NEGR1: variants seen among roughly 807,000 people sequenced by gnomAD.
The protein encoded by NEGR1 is neuronal growth regulator 1.
NEGR1 carries 10 observed loss-of-function variants against 40.9 expected under a neutral mutation model. That is an observed-to-expected ratio of 0.24 (90% confidence interval 0.15 to 0.42). NEGR1 has a LOEUF of 0.42. Among genes scored for constraint, NEGR1 ranks in the 10% least tolerant of loss-of-function variants. The probability of loss-of-function intolerance (pLI) is 1.00; values close to 1 mark genes in which losing one functional copy is unlikely to be tolerated. For missense variants in NEGR1, 352 were observed against 438.9 expected (o/e 0.80, Z 1.77); for synonymous variants, 185 against 166.8 (o/e 1.11, Z -0.84).
chr1:71,433,428 G>A (rs1646482406), intron 6 of NEGR1, among the ~76,000 whole-genome samples: 1 of 152,192 alleles, frequency 6.6e-6, no homozygotes, highest in African/African-American at 2.4e-5. Context: ...AAAGAAGTAT[G>A]ATTCCTGAAG....
intron 1 of NEGR1, among the ~76,000 whole-genome samples, chr1:72,013,941 C>T (rs1646683773): frequency 7.3e-6 from 1 of 136,970 alleles, no homozygotes; most frequent in Non-Finnish European, 1.5e-5. Flanking sequence ...AATACAAGTC[C>T]CAAGAGATGC....
intron 1 of NEGR1, among the ~76,000 whole-genome samples, chr1:72,195,331 T>C (rs372975598): frequency 6.6e-6 from 1 of 152,040 alleles, no homozygotes; most frequent in Non-Finnish European, 1.5e-5. Flanking sequence ...GGGCCGTACA[T>C]AGTTCAAATT....
intron 5 of NEGR1, among the ~76,000 whole-genome samples, chr1:71,597,192 T>C (rs1339557768): frequency 6.6e-6 from 1 of 152,120 alleles, no homozygotes; most frequent in Non-Finnish European, 1.5e-5. Flanking sequence ...GTAGAACTCT[T>C]ACATGGACTT....
intron 5 of NEGR1, among the ~76,000 whole-genome samples, chr1:71,599,457 G>A (rs1006752850): frequency 1.3e-5 from 2 of 152,184 alleles, no homozygotes; most frequent in African/African-American, 4.8e-5. Context: ...AAGGGAGGAG[G>A]AGGAGCAAGA....
intron 6 of NEGR1, among the ~76,000 whole-genome samples, chr1:71,560,747 A>T (rs1242607148): frequency 6.6e-6 from 1 of 151,370 alleles, no homozygotes; most frequent in African/African-American, 2.4e-5. Flanking sequence ...ATGAGAAAGG[A>T]TGTATGATAT....
chr1:71,714,967 C>T (rs2101647233), intron 3 of NEGR1, among the ~76,000 whole-genome samples: 1 of 152,342 alleles, frequency 6.6e-6, no homozygotes, highest in East Asian at 1.9e-4. Context: ...CATTTCCCTT[C>T]TGCACTGCCC....
At chr1:71,937,369 A>G (rs903198987) in intron 1 of NEGR1, among the ~76,000 whole-genome samples, 2 of 152,226 alleles carry the variant, frequency 1.3e-5, no homozygotes, top group African/African-American at 4.8e-5. Flanking sequence ...TACAGGACAG[A>G]ACTCTGAAAT....
At chr1:72,118,008 C>T (rs778598525) in intron 1 of NEGR1, among the ~76,000 whole-genome samples, 1 of 151,860 alleles carries the variant, frequency 6.6e-6, no homozygotes, top group Non-Finnish European at 1.5e-5. Context: ...AGTCATCAAA[C>T]ACTGCTGGAA....
At chr1:71,841,868 T>C (rs910055264) in intron 2 of NEGR1, among the ~76,000 whole-genome samples, 2 of 152,148 alleles carry the variant, frequency 1.3e-5, no homozygotes, top group Non-Finnish European at 2.9e-5. Flanking sequence ...TTGGTAACTA[T>C]TGACAGTAGT....
chr1:71,837,881 G>GA (rs1454102210), intron 2 of NEGR1, among the ~76,000 whole-genome samples: 1 of 151,868 alleles, frequency 6.6e-6, no homozygotes, highest in African/African-American at 2.4e-5. Context: ...TTCTTTCCTG[G>GA]AAAAATCAAT....
chr1:71,740,576 G>A (rs1655182622), intron 3 of NEGR1, among the ~76,000 whole-genome samples: 1 of 152,094 alleles, frequency 6.6e-6, no homozygotes, highest in Admixed American at 6.6e-5. Flanking sequence ...CTGAACACAG[G>A]AAAGTACAGT....
rs2101245720 is a variant in NEGR1, at chr1:71,399,129, C to T, written c.*8317G>A. 1 of 152,178 alleles carries T rather than the reference C, an allele frequency of 6.6e-6. No homozygotes were observed. The highest frequency in any genetic ancestry group is 2.1e-4 in the South Asian group (1 of 4,816). 9.4% of individuals were successfully genotyped at this position (152,178 alleles called of 1,614,324 possible). ...TCTTACATTACCTGATGAAAGATAT[C>T]TAATTGTCTATTATAAAACCATAAA... is the stretch of plus-strand genomic sequence containing the variant. On this transcript the variant is annotated 3_prime_UTR_variant, in exon 7 of 7. Coordinates refer to ENST00000357731, the MANE Select transcript of NEGR1 (RefSeq NM_173808.3).
At chr1:71,805,901 T>C (rs1009000645) in intron 2 of NEGR1, among the ~76,000 whole-genome samples, 6 of 152,194 alleles carry the variant, frequency 3.9e-5, no homozygotes, top group Non-Finnish European at 8.8e-5. Context: ...GTTCTCATTA[T>C]CCAAATAAAA....
chr1:71,999,678 T>TATATATATAC lies in NEGR1; in HGVS notation c.177-64368_177-64367insGTATATATAT, dbSNP rs1457710237. ...ATATATATATATATATATATATATA[T>TATATATATAC]ACATACATATTTTTGTCCGGTCTCG... On this transcript the variant is annotated intron_variant, in intron 1 of 6. Transcript: ENST00000357731. Among the ~76,000 whole-genome samples, 172 of 49,818 alleles carry TATATATATAC rather than the reference T, an allele frequency of 3.5e-3. 15 individuals are homozygous for TATATATATAC. Among genetic ancestry groups the TATATATATAC allele is most frequent in the Non-Finnish European group, 5.3e-3 (130 of 24,424 alleles). The allele number at this position is 49,818 out of a possible 152,430, so 32.7% of individuals were successfully genotyped here. A position where few individuals can be genotyped will look rare whatever the true frequency, so the allele number is the denominator to read the frequency against.
intron 1 of NEGR1, among the ~76,000 whole-genome samples, chr1:72,061,821 A>G (rs970747268): frequency 9.2e-5 from 14 of 151,786 alleles, no homozygotes; most frequent in Non-Finnish European, 1.8e-4. Flanking sequence ...TCTATGAAGC[A>G]AAAGTCACTC....
intron 1 of NEGR1, among the ~76,000 whole-genome samples, chr1:72,084,117 A>G (rs1648113026): frequency 6.6e-6 from 1 of 151,936 alleles, no homozygotes; most frequent in Admixed American, 6.6e-5. Flanking sequence ...TTTCTTTTAC[A>G]GGAAGTAACA....
At chr1:71,702,738 A>AG (rs200510229) in intron 3 of NEGR1, among the ~76,000 whole-genome samples, 1 of 151,456 alleles carries the variant, frequency 6.6e-6, no homozygotes, top group Non-Finnish European at 1.5e-5. Context: ...AAAAAAAAAA[A>AG]AAAACACTTT....
chr1:71,566,411 A>G (rs12059061), intron 6 of NEGR1, among the ~76,000 whole-genome samples: 2,285 of 152,264 alleles, frequency 0.015, 57 homozygotes, highest in African/African-American at 0.053. Context: ...ATTCTTAGCT[A>G]GCTTTTTAAA....
chr1:71,945,049 A>G (rs567891584), intron 1 of NEGR1, among the ~76,000 whole-genome samples: 54 of 152,288 alleles, frequency 3.5e-4, no homozygotes, highest in African/African-American at 1.2e-3. Context: ...TGTTAAGTTA[A>G]AAATAGTCTC....
Sources: allele counts gnomAD v4.1 joint callset (sites outside exome capture counted in the v4.1 genomes callset), GRCh38; gene constraint gnomAD v4.1.1; transcripts MANE v1.5; gene names NCBI Gene and HGNC (gene_info 2026-07-23, HGNC 2026-07-21).